The following NDUFAB1 variants were observed in gnomAD, a reference collection of about 807,000 sequenced individuals.
NDUFAB1 encodes the protein NADH:ubiquinone oxidoreductase subunit AB1, also known as acyl carrier protein, mitochondrial.
In NDUFAB1, 5 loss-of-function variants were observed where a neutral mutation model predicts 16.1. That is an observed-to-expected ratio of 0.31 (90% CI 0.16 to 0.65). The LOEUF is 0.65. Among genes scored for constraint, NDUFAB1 ranks in the 30% least tolerant of loss-of-function variants. The pLI is 0.77. For synonymous variants in NDUFAB1, 85 were observed against 78.4 expected (o/e 1.08, Z -0.44); for missense variants, 187 against 205.3 (o/e 0.91, Z 0.54).
intron 3 of NDUFAB1, among the ~76,000 whole-genome samples, chr16:23,584,448 G>A (rs1966216403): frequency 1.3e-5 from 2 of 151,150 alleles, no homozygotes; most frequent in African/African-American, 2.4e-5. Flanking sequence ...TTCGTGTGCT[G>A]TAACACACGT....
Position 23,596,141 on chromosome 16 carries a change from C to A in NDUFAB1, c.150G>T (p.Pro50=), listed in dbSNP as rs1966323847. The A allele has an allele frequency of 5.6e-6, 9 of 1,608,406 alleles. No homozygotes were observed. Among genetic ancestry groups the A allele is most frequent in the Admixed American group, 1.7e-5 (1 of 59,710 alleles). ...GAGTCACCTGCGCGAGCACTAAGGCCGGCTGCAAAGTCCCGAGCCTCGTCT... is the reference window on the plus strand; with the variant it reads ...GAGTCACCTGCGCGAGCACTAAGGCAGGCTGCAAAGTCCCGAGCCTCGTCT... ...GTQTRLGTLQ[P]ALVLAQVPGR... is the part of the protein sequence containing the mutation. The change falls in exon 1 of 5, where the codon CCG becomes CCT. Residue 50 remains proline (P), a synonymous_variant. Coordinates refer to ENST00000007516, the MANE Select transcript of NDUFAB1 (RefSeq NM_005003.3).
chr16:23,584,069 T>TA (rs1411968098), intron 3 of NDUFAB1, among the ~76,000 whole-genome samples: 2 of 151,360 alleles, frequency 1.3e-5, no homozygotes, highest in African/African-American at 4.9e-5. Context: ...GCATGCTTGT[T>TA]AAGAGTCATC....
At chr16:23,582,252 ACAT>A in intron 4 of NDUFAB1, 21 bp downstream of exon 4, 1 of 1,443,946 alleles carries the variant, frequency 6.9e-7, no homozygotes, top group Non-Finnish European at 9.1e-7. Context: ...CTATGGGTGA[ACAT>A]CATTTTTTAA....
intron 1 of NDUFAB1, among the ~76,000 whole-genome samples, chr16:23,587,555 C>A (rs545989918): frequency 6.6e-6 from 1 of 152,212 alleles, no homozygotes; most frequent in East Asian, 1.9e-4. Context: ...GCCCCTCTGC[C>A]TCCTGGCTTC....
intron 3 of NDUFAB1, 127 bp downstream of exon 3, chr16:23,585,209 A>C (rs1966222690): frequency 5.9e-6 from 4 of 674,506 alleles, no homozygotes; most frequent in Non-Finnish European, 1.0e-5. Flanking sequence ...GTGTGTGTGA[A>C]GGGCAGTGGA....
chr16:23,584,249 ATC>A (rs1966211460), intron 3 of NDUFAB1, among the ~76,000 whole-genome samples: 1 of 81,244 alleles, frequency 1.2e-5, no homozygotes, highest in African/African-American at 5.1e-5. Context: ...CCCAAGAATG[ATC>A]AATTAAAAAA....
intron 1 of NDUFAB1, among the ~76,000 whole-genome samples, chr16:23,594,132 C>A (rs1000540966): frequency 6.6e-6 from 1 of 151,910 alleles, no homozygotes; most frequent in Non-Finnish European, 1.5e-5. Context: ...CCGCCCGTCT[C>A]GGCCTCCCAA....
intron 1 of NDUFAB1, among the ~76,000 whole-genome samples, chr16:23,593,147 C>A (rs1460663428): frequency 6.6e-6 from 1 of 152,062 alleles, no homozygotes; most frequent in Non-Finnish European, 1.5e-5. Context: ...AGACAGACAT[C>A]AAAAAATTAG....
intron 3 of NDUFAB1, 29 bp from the exon 4 acceptor site, chr16:23,582,404 A>C: frequency 1.3e-6 from 2 of 1,519,980 alleles, no homozygotes; most frequent in Non-Finnish European, 1.8e-6. Flanking sequence ...ACAATGTGAG[A>C]GAGTTAAAAA....
chr16:23,595,317 C>T, intron 1 of NDUFAB1: 1 of 298,188 alleles, frequency 3.4e-6, no homozygotes, highest in East Asian at 1.0e-4. Flanking sequence ...GCGTTTCAGC[C>T]TCACGCAGAT....
chr16:23,590,148 C>T (rs897847649), intron 1 of NDUFAB1, among the ~76,000 whole-genome samples: 4 of 152,130 alleles, frequency 2.6e-5, no homozygotes, highest in African/African-American at 9.7e-5. Context: ...AGGTTGTCAG[C>T]ATTGTCCTCA....
At chr16:23,588,406 C>A (rs1398181842) in intron 1 of NDUFAB1, among the ~76,000 whole-genome samples, 2 of 151,770 alleles carry the variant, frequency 1.3e-5, no homozygotes, top group African/African-American at 4.8e-5. Flanking sequence ...GTGAGCCGAG[C>A]CTGCGCCATT....
intron 1 of NDUFAB1, among the ~76,000 whole-genome samples, chr16:23,594,604 G>A (rs1173767530): frequency 6.6e-6 from 1 of 151,808 alleles, no homozygotes; most frequent in East Asian, 2.0e-4. Flanking sequence ...CGCCCGCCTC[G>A]GCATCCCAAA....
At chr16:23,594,851 T>C (rs1355202809) in intron 1 of NDUFAB1, among the ~76,000 whole-genome samples, 1 of 152,142 alleles carries the variant, frequency 6.6e-6, no homozygotes, top group East Asian at 1.9e-4. Context: ...CTGAAGTCTA[T>C]GACTTTGAAA....
Position 23,589,958 on chromosome 16 carries a change from A to G in NDUFAB1, c.169-2639T>C, listed in dbSNP as rs113815648. ...CTCCAAAAAGAAAAAAAAAAAAAAAAAAAAAAAGAAATGGTACGATGCCAG... is the reference window on the plus strand; with the variant it reads ...CTCCAAAAAGAAAAAAAAAAAAAAAGAAAAAAAGAAATGGTACGATGCCAG... On this transcript the variant is annotated intron_variant, in intron 1 of 4. Transcript: ENST00000007516. Among the ~76,000 whole-genome samples, 388 of 136,208 alleles carry G rather than the reference A, an allele frequency of 2.8e-3. 1 individual carries two copies. Among genetic ancestry groups the G allele is most frequent in the African/African-American group, 0.01 (367 of 35,514 alleles). 89.4% of individuals were successfully genotyped at this position (136,208 alleles called of 152,430 possible). A position where few individuals can be genotyped will look rare whatever the true frequency, so the allele number is the denominator to read the frequency against.
At chr16:23,582,457 C>T in intron 3 of NDUFAB1, 82 bp from the exon 4 acceptor site, 2 of 1,394,324 alleles carry the variant, frequency 1.4e-6, no homozygotes, top group Admixed American at 3.4e-5. Context: ...CCTTCTACAA[C>T]AGCTACAAGT....
intron 3 of NDUFAB1, among the ~76,000 whole-genome samples, chr16:23,583,615 G>A (rs1283472907): frequency 4.2e-5 from 5 of 119,714 alleles, no homozygotes; most frequent in South Asian, 2.7e-4. Context: ...CCCTCCGCCC[G>A]GCAGCCGCCC....
intron 3 of NDUFAB1, 103 bp from the exon 4 acceptor site, chr16:23,582,478 T>G: frequency 7.4e-7 from 1 of 1,347,312 alleles, no homozygotes; most frequent in Non-Finnish European, 9.5e-7. Flanking sequence ...ATATCAAAAC[T>G]TTCAGCAACC....
intron 3 of NDUFAB1, among the ~76,000 whole-genome samples, chr16:23,584,259 A>AAAAAAAAAAAG (rs1471673225): frequency 3.2e-5 from 4 of 124,896 alleles, no homozygotes; most frequent in Middle Eastern, 4.0e-3. Flanking sequence ...ATCAATTAAA[A>AAAAAAAAAAAG]AAAAAAAAAA....
Sources: allele counts gnomAD v4.1 joint callset (sites outside exome capture counted in the v4.1 genomes callset), GRCh38; gene constraint gnomAD v4.1.1; transcripts MANE v1.5; gene names NCBI Gene and HGNC (gene_info 2026-07-23, HGNC 2026-07-21).